PTPN13: variants seen among roughly 807,000 people sequenced by gnomAD.
PTPN13 encodes protein tyrosine phosphatase non-receptor type 13.
PTPN13 carries 191 observed loss-of-function variants against 284.0 expected under a neutral mutation model. The ratio of observed to expected loss-of-function variants is 0.67; its 90% confidence interval spans 0.60 to 0.76. The LOEUF (loss-of-function observed/expected upper bound fraction) is 0.76, where lower values mean the gene tolerates loss of function less well. PTPN13 is among the 30% of genes least tolerant of loss of function. The probability of loss-of-function intolerance (pLI) is 0.00; values close to 1 mark genes in which losing one functional copy is unlikely to be tolerated. For missense variants in PTPN13, 2,797 were observed against 2,939.9 expected (o/e 0.95, Z 1.12); for synonymous variants, 986 against 1,022.3 (o/e 0.96, Z 0.68).
intron 1 of PTPN13, among the ~76,000 whole-genome samples, chr4:86,599,213 G>A (rs1322287811): frequency 6.6e-6 from 1 of 152,158 alleles, no homozygotes; most frequent in Non-Finnish European, 1.5e-5. Flanking sequence ...TACTAGAATA[G>A]AGTGTAGAAA....
intron 1 of PTPN13, among the ~76,000 whole-genome samples, chr4:86,599,906 T>G (rs916006700): frequency 6.6e-6 from 1 of 152,146 alleles, no homozygotes; most frequent in African/African-American, 2.4e-5. Flanking sequence ...ATTGCCCTTG[T>G]GTACTGCAAG....
chr4:86,717,094 T>G lies in PTPN13; in HGVS notation c.1362T>G (p.Ser454Arg), dbSNP rs1233844873. Residue 454 changes from serine (S) to arginine (R), a missense_variant, in exon 9 of 48, where the codon AGT becomes AGG. Coordinates refer to ENST00000411767, the MANE Select transcript of PTPN13 (RefSeq NM_080683.3). Reference protein sequence around the residue: ...SGLPGVDETLSQGQSQRPSRQ... With the variant: ...SGLPGVDETLRQGQSQRPSRQ... ...TCCCAGGGGTAGATGAAACCTTAAG[T>G]CAAGGCCAGTCACAGAGACCGAGGT... 6.2e-7 allele frequency: 1 copy of G among 1,612,296 alleles called. No individual in the cohort carries two copies. Among genetic ancestry groups the G allele is most frequent in the Admixed American group, 1.7e-5 (1 of 59,930 alleles).
At chr4:86,667,499 T>G (rs1565274976) in intron 2 of PTPN13, among the ~76,000 whole-genome samples, 1 of 152,182 alleles carries the variant, frequency 6.6e-6, no homozygotes, top group Non-Finnish European at 1.5e-5. Flanking sequence ...CCAGTGAACC[T>G]TAAATAATTT....
At chr4:86,794,236 G>T (rs920570299) in intron 40 of PTPN13, among the ~76,000 whole-genome samples, 10 of 151,712 alleles carry the variant, frequency 6.6e-5, no homozygotes, top group Non-Finnish European at 1.5e-4. Context: ...TGCAAAAATC[G>T]CAAGCATTCA....
chr4:86,752,069 G>A (rs763187178), intron 19 of PTPN13, among the ~76,000 whole-genome samples: 2 of 152,080 alleles, frequency 1.3e-5, no homozygotes, highest in Admixed American at 6.6e-5. Flanking sequence ...AAAGGGAAAC[G>A]CACTGGAGTC....
At chr4:86,802,415 T>G (rs981306270) in intron 42 of PTPN13, among the ~76,000 whole-genome samples, 8 of 152,114 alleles carry the variant, frequency 5.3e-5, no homozygotes, top group Non-Finnish European at 1.2e-4. Flanking sequence ...AAGCAAGCTG[T>G]CCCCAGGCTG....
chr4:86,679,760 C>G (rs192471738), intron 3 of PTPN13, among the ~76,000 whole-genome samples: 1 of 152,174 alleles, frequency 6.6e-6, no homozygotes, highest in African/African-American at 2.4e-5. Context: ...TGAGAGGTAT[C>G]TGCACATCAG....
chr4:86,630,918 T>G (rs1028245273), intron 1 of PTPN13, among the ~76,000 whole-genome samples: 1 of 152,172 alleles, frequency 6.6e-6, no homozygotes, highest in Non-Finnish European at 1.5e-5. Flanking sequence ...TCCTTGTGGC[T>G]TTGTCTCTGT....
chr4:86,810,067 G>T, intron 46 of PTPN13, 83 bp downstream of exon 46: 15 of 1,116,660 alleles, frequency 1.3e-5, no homozygotes, highest in East Asian at 8.0e-5. Flanking sequence ...TGTGATCTTG[G>T]GATATTTTAA....
At chr4:86,660,699 A>G (rs1726386176) in intron 2 of PTPN13, among the ~76,000 whole-genome samples, 1 of 152,176 alleles carries the variant, frequency 6.6e-6, no homozygotes, top group Non-Finnish European at 1.5e-5. Context: ...ACTATAAAAT[A>G]CAAAATTAAA....
At chr4:86,619,196 A>T (rs1055707065) in intron 1 of PTPN13, among the ~76,000 whole-genome samples, 2 of 152,206 alleles carry the variant, frequency 1.3e-5, no homozygotes, top group Non-Finnish European at 1.5e-5. Context: ...AACCTTATGT[A>T]TGGTGTTCAG....
chr4:86,806,583 G>A (rs1744689444), intron 44 of PTPN13, among the ~76,000 whole-genome samples: 1 of 152,068 alleles, frequency 6.6e-6, no homozygotes, highest in Non-Finnish European at 1.5e-5. Flanking sequence ...ACAGCAAAAT[G>A]GCCAGTTGAA....
Position 86,766,377 on chromosome 4 carries a change from G to C in PTPN13, c.4244-55G>C, listed in dbSNP as rs904524070. 1.2e-5 allele frequency: 16 copies of C among 1,368,844 alleles called. No homozygotes were observed. The African/African-American group carries it at 1.9e-4, about 16-fold the overall frequency. 84.8% of individuals were successfully genotyped at this position (1,368,844 alleles called of 1,614,324 possible). The stretch of plus-strand genomic sequence containing the variant: ...AAATGAATACGAAATAAGACCATAA[G>C]ATTTAAAAGAACATGTAGGATTTTT... On this transcript the variant is annotated intron_variant, in intron 26 of 47. Transcript: ENST00000411767.
At chr4:86,598,383 G>T (rs556675688) in intron 1 of PTPN13, among the ~76,000 whole-genome samples, 4 of 152,160 alleles carry the variant, frequency 2.6e-5, no homozygotes, top group African/African-American at 9.6e-5. Flanking sequence ...GACCTCAAGC[G>T]ATCGGCCTGC....
chr4:86,688,636 A>G (rs1476026073), intron 4 of PTPN13, among the ~76,000 whole-genome samples: 1 of 152,100 alleles, frequency 6.6e-6, no homozygotes, highest in African/African-American at 2.4e-5. Context: ...TACATTTTAT[A>G]TAATATTAGG....
intron 1 of PTPN13, among the ~76,000 whole-genome samples, chr4:86,604,007 A>G (rs1220618344): frequency 1.3e-5 from 2 of 152,076 alleles, no homozygotes; most frequent in African/African-American, 4.8e-5. Context: ...AGTTATTGTT[A>G]ACCTTTTAAC....
chr4:86,742,716 A>G (rs1261159832), intron 16 of PTPN13, among the ~76,000 whole-genome samples: 1 of 152,198 alleles, frequency 6.6e-6, no homozygotes, highest in Non-Finnish European at 1.5e-5. Context: ...CAAGATTGTC[A>G]GGACCAAGAA....
chr4:86,790,071 C>T (rs1742445113), intron 40 of PTPN13, among the ~76,000 whole-genome samples: 1 of 152,102 alleles, frequency 6.6e-6, no homozygotes, highest in Admixed American at 6.6e-5. Flanking sequence ...TCATTATACA[C>T]ATACTATATT....
In PTPN13 at chr4:86,594,532, C is replaced by CG. The variant is rs1565098271; in HGVS notation, c.-258dup. 6.6e-6 allele frequency: 1 copy of CG among 152,546 alleles called. No homozygotes were observed. The highest frequency in any genetic ancestry group is 2.1e-4 in the South Asian group (1 of 4,832). 9.4% of individuals were successfully genotyped at this position (152,546 alleles called of 1,614,324 possible). A position where few individuals can be genotyped will look rare whatever the true frequency, so the allele number is the denominator to read the frequency against. Reference sequence around the variant, plus strand: ...GGGCGGCGGGGGTGCGTTGAGCGCTCGGGGGTCAGGCAGTCGGCCGGGATC... The same window carrying CG: ...GGGCGGCGGGGGTGCGTTGAGCGCTCGGGGGGTCAGGCAGTCGGCCGGGATC... On this transcript the variant is annotated 5_prime_UTR_variant, in exon 1 of 48. Coordinates refer to ENST00000411767, the MANE Select transcript of PTPN13 (RefSeq NM_080683.3).
Sources: allele counts gnomAD v4.1 joint callset (sites outside exome capture counted in the v4.1 genomes callset), GRCh38; gene constraint gnomAD v4.1.1; transcripts MANE v1.5; gene names NCBI Gene and HGNC (gene_info 2026-07-23, HGNC 2026-07-21).